DNAH5: variants seen among roughly 807,000 people sequenced by gnomAD.
The protein encoded by DNAH5 is axonemal beta dynein heavy chain 5.
In DNAH5, 372 loss-of-function variants were observed where a neutral mutation model predicts 518.2. That is an observed-to-expected ratio of 0.72 (90% CI 0.66 to 0.78). DNAH5 has a LOEUF of 0.78. Among genes scored for constraint, DNAH5 ranks in the 30% least tolerant of loss-of-function variants. The probability of loss-of-function intolerance (pLI) is 0.00; values close to 1 mark genes in which losing one functional copy is unlikely to be tolerated. For synonymous variants in DNAH5, 2,039 were observed against 2,025.9 expected (o/e 1.01, Z -0.17); for missense variants, 5,523 against 5,687.0 (o/e 0.97, Z 0.93).
rs554693952 is a variant in DNAH5, at chr5:13,706,883, G to T, written c.13338+1240C>A. 2.0e-5 allele frequency among the ~76,000 whole-genome samples: 3 copies of T among 152,318 alleles called. No individual in the cohort carries two copies. In the East Asian group the frequency reaches 5.8e-4, roughly 29 times the overall value. On this transcript the variant is annotated intron_variant, in intron 76 of 78. Transcript: ENST00000265104. ...TGATACCAGAGCAGGGCAGGGAAGT[G>T]CTGGGTAGAGAAGGGCAGGGTCCCT... is the stretch of plus-strand genomic sequence containing the variant.
At position 13,897,146 on chromosome 5, in the gene DNAH5, G is replaced by A. The variant is rs373518465; in HGVS notation, c.2260-2325C>T. Among the ~76,000 whole-genome samples, 101 of 152,272 alleles carry A rather than the reference G, an allele frequency of 6.6e-4. 1 individual carries two copies. The South Asian group carries it at 0.018, about 27-fold the overall frequency. ...TGTTAAACACAGTATTTCCCAGATGGACCTCATAATCCTTTCCTCATATAA... is the reference window on the plus strand; with the variant it reads ...TGTTAAACACAGTATTTCCCAGATGAACCTCATAATCCTTTCCTCATATAA... On this transcript the variant is annotated intron_variant, in intron 15 of 78. Coordinates refer to ENST00000265104, the MANE Select transcript of DNAH5 (RefSeq NM_001369.3).
At chr5:13,771,558 C>T (rs1753340779) in intron 55 of DNAH5, among the ~76,000 whole-genome samples, 1 of 152,130 alleles carries the variant, frequency 6.6e-6, no homozygotes, top group African/African-American at 2.4e-5. Flanking sequence ...CTGTTGGAGA[C>T]CTTTACCTTC....
At chr5:13,834,815 G>C (rs1463962057) in intron 35 of DNAH5, among the ~76,000 whole-genome samples, 2 of 152,226 alleles carry the variant, frequency 1.3e-5, no homozygotes, top group Admixed American at 6.5e-5. Flanking sequence ...GCAGAGGCCA[G>C]ATTGTACCAG....
Position 13,691,658 on chromosome 5 carries a change from A to G in DNAH5, c.*326T>C, listed in dbSNP as rs1171110193. On this transcript the variant is annotated 3_prime_UTR_variant, in exon 79 of 79. Coordinates refer to ENST00000265104, the MANE Select transcript of DNAH5 (RefSeq NM_001369.3). ...AACAGAAGAATAATTCCTCCCAGAG[A>G]AATACTGTCTGCTTACCCTAGTCAG... 1 of 301,168 alleles carries G rather than the reference A, an allele frequency of 3.3e-6. No individual in the cohort carries two copies. Among genetic ancestry groups the G allele is most frequent in the Non-Finnish European group, 6.3e-6 (1 of 157,696 alleles). 18.7% of individuals were successfully genotyped at this position (301,168 alleles called of 1,614,324 possible). A position where few individuals can be genotyped will look rare whatever the true frequency, so the allele number is the denominator to read the frequency against.
intron 12 of DNAH5, among the ~76,000 whole-genome samples, chr5:13,903,538 G>A (rs1020694745): frequency 9.9e-5 from 15 of 150,966 alleles, no homozygotes; most frequent in African/African-American, 3.6e-4. Flanking sequence ...AGATGCCAAA[G>A]GTAAAGAGAA....
At chr5:13,910,797 C>T (rs1355536223) in intron 12 of DNAH5, among the ~76,000 whole-genome samples, 1 of 152,218 alleles carries the variant, frequency 6.6e-6, no homozygotes, top group East Asian at 1.9e-4. Flanking sequence ...CCTCGGGAAT[C>T]TGGAGCTGGC....
At chr5:13,797,595 C>T (rs999091870) in intron 47 of DNAH5, among the ~76,000 whole-genome samples, 2 of 152,154 alleles carry the variant, frequency 1.3e-5, no homozygotes, top group African/African-American at 2.4e-5. Context: ...AACGTTTTTA[C>T]ACTGTTGGTG....
intron 70 of DNAH5, among the ~76,000 whole-genome samples, chr5:13,722,140 C>CT (rs1745137472): frequency 6.6e-6 from 1 of 152,160 alleles, no homozygotes; most frequent in South Asian, 2.1e-4. Flanking sequence ...CTCCCAAGGG[C>CT]TAGGCAGGTG....
intron 10 of DNAH5, among the ~76,000 whole-genome samples, chr5:13,914,255 A>G (rs1261157355): frequency 1.3e-5 from 2 of 152,038 alleles, no homozygotes; most frequent in Non-Finnish European, 2.9e-5. Flanking sequence ...CATCTTAAAG[A>G]TGCTTAAGGA....
In DNAH5 at chr5:13,754,559, A is replaced by G. The variant is rs139672166; in HGVS notation, c.10420-221T>C. ...TCCCCTGCCCATGGAACTTGGCTGG[A>G]TAGAGTTTCGCTCTTGTTACCCAGG... On this transcript the variant is annotated intron_variant, in intron 61 of 78. Transcript: ENST00000265104. Among the ~76,000 whole-genome samples the G allele has an allele frequency of 3.3e-3, 498 of 152,108 alleles. 1 individual carries two copies. Among genetic ancestry groups the G allele is most frequent in the Non-Finnish European group, 5.6e-3 (380 of 67,990 alleles).
chr5:13,714,317 A>AT (rs1252172466), intron 75 of DNAH5, 88 bp downstream of exon 75: 6 of 1,357,506 alleles, frequency 4.4e-6, no homozygotes, highest in South Asian at 1.2e-5. Context: ...CAGGAAAATC[A>AT]TTTTTTGCCC....
At chr5:13,867,374 C>A (rs1055065954) in intron 25 of DNAH5, among the ~76,000 whole-genome samples, 2 of 152,034 alleles carry the variant, frequency 1.3e-5, no homozygotes, top group Non-Finnish European at 2.9e-5. Flanking sequence ...CTCATGAGAT[C>A]CGATGGTTTT....
intron 47 of DNAH5, among the ~76,000 whole-genome samples, chr5:13,795,540 C>A (rs1460294101): frequency 4.6e-5 from 7 of 152,100 alleles, no homozygotes; most frequent in South Asian, 2.1e-4. Flanking sequence ...ACAGGCTCTG[C>A]AATTGAGGCA....
chr5:13,802,112 A>T (rs1357483747), intron 47 of DNAH5, among the ~76,000 whole-genome samples: 1 of 152,220 alleles, frequency 6.6e-6, no homozygotes, highest in East Asian at 1.9e-4. Flanking sequence ...CACTAAGGAC[A>T]TATACTGTTC....
chr5:13,717,380 G>C lies in DNAH5; in HGVS notation c.12640C>G (p.Gln4214Glu), dbSNP rs765409506. The C allele has an allele frequency of 6.2e-7, 1 of 1,613,924 alleles. No homozygotes were observed. ...TGCACAGTGGCATTAAAGTCCGCTT[G>C]GTTAAATTCGTAGGGGATATTCCAC... ...LGWNIPYEFN[Q>E]ADFNATVQFI... Residue 4214 changes from glutamine to glutamate, a missense_variant, in exon 73 of 79, where the codon CAA becomes GAA. Physicochemically the swap from Gln to Glu is conservative, Grantham distance 29. Around this residue, in one of 3 missense-constraint regions of DNAH5, gnomAD observed 5,121 missense variants for 5,223.3 expected, o/e 0.98. Coordinates refer to ENST00000265104, the MANE Select transcript of DNAH5 (RefSeq NM_001369.3).
intron 75 of DNAH5, among the ~76,000 whole-genome samples, chr5:13,708,973 T>G (rs1327955464): frequency 6.6e-6 from 1 of 152,232 alleles, no homozygotes; most frequent in Non-Finnish European, 1.5e-5. Flanking sequence ...CATTCTATTT[T>G]TAGACATTTT....
intron 47 of DNAH5, among the ~76,000 whole-genome samples, chr5:13,803,146 G>A (rs933195826): frequency 4.6e-5 from 7 of 151,994 alleles, no homozygotes; most frequent in African/African-American, 1.7e-4. Flanking sequence ...TTTCATGCAT[G>A]TTACATACAA....
chr5:13,875,069 G>A (rs187756567), intron 22 of DNAH5, among the ~76,000 whole-genome samples: 193 of 152,206 alleles, frequency 1.3e-3, no homozygotes, highest in African/African-American at 4.4e-3. Context: ...CTATAAATCT[G>A]GAATAAGTTC....
rs575047017 is a variant in DNAH5, at chr5:13,755,631, T to C, written c.10420-1293A>G. On this transcript the variant is annotated intron_variant, in intron 61 of 78. Coordinates refer to ENST00000265104, the MANE Select transcript of DNAH5 (RefSeq NM_001369.3). ...TATTCCACTTCGTCCTAATCTATTTTCTTCCTCTGGAGTTAAGGCAAAAAA... is the reference window on the plus strand; with the variant it reads ...TATTCCACTTCGTCCTAATCTATTTCCTTCCTCTGGAGTTAAGGCAAAAAA... Among the ~76,000 whole-genome samples, 7 of 152,354 alleles carry C rather than the reference T, an allele frequency of 4.6e-5. No individual in the cohort carries two copies. In the South Asian group the frequency reaches 1.5e-3, roughly 32 times the overall value.
Sources: allele counts gnomAD v4.1 joint callset (sites outside exome capture counted in the v4.1 genomes callset), GRCh38; gene constraint gnomAD v4.1.1; regional missense constraint gnomAD v4.1.1; transcripts MANE v1.5; gene names NCBI Gene and HGNC (gene_info 2026-07-23, HGNC 2026-07-21).